The following PAM variants were observed in gnomAD, a reference collection of about 807,000 sequenced individuals.
PAM encodes the protein peptidyl-glycine alpha-amidating monooxygenase.
A neutral mutation model predicts 122.1 loss-of-function variants in PAM; 72 were observed. The ratio of observed to expected loss-of-function variants is 0.59; its 90% CI spans 0.49 to 0.72. The LOEUF (loss-of-function observed/expected upper bound fraction) is 0.72. Among genes scored for constraint, PAM ranks in the 30% least tolerant of loss-of-function variants. The pLI is 0.00. For missense variants in PAM, 1,106 were observed against 1,183.7 expected, an observed-to-expected ratio of 0.93 and a Z score of 0.96; for synonymous variants, 389 against 404.4, an observed-to-expected ratio of 0.96 and a Z score of 0.46.
At chr5:103,014,527 C>A (rs564983312) in intron 21 of PAM, among the ~76,000 whole-genome samples, 10 of 152,198 alleles carry the variant, frequency 6.6e-5, no homozygotes, top group Non-Finnish European at 1.2e-4. Context: ...ATTATTATCA[C>A]AAAGATTAAT....
At chr5:103,026,017 TAACA>T (rs1466970943) in intron 24 of PAM, among the ~76,000 whole-genome samples, 2 of 152,182 alleles carry the variant, frequency 1.3e-5, no homozygotes, top group Non-Finnish European at 2.9e-5. Flanking sequence ...ATTAATTCTA[TAACA>T]AACCATTTGA....
At chr5:102,881,891 A>C (rs1254532820) in intron 3 of PAM, among the ~76,000 whole-genome samples, 1 of 144,316 alleles carries the variant, frequency 6.9e-6, no homozygotes, top group Non-Finnish European at 1.5e-5. Context: ...ATGCCTTTGC[A>C]TCCTCATAGC....
intron 7 of PAM, among the ~76,000 whole-genome samples, chr5:102,927,563 A>C (rs966910339): frequency 6.6e-6 from 1 of 152,084 alleles, no homozygotes; most frequent in African/African-American, 2.4e-5. Context: ...GTAGATGTCC[A>C]TCTCTGCCTA....
At chr5:102,812,185 C>T (rs1484254575) in intron 1 of PAM, among the ~76,000 whole-genome samples, 1 of 152,160 alleles carries the variant, frequency 6.6e-6, no homozygotes, top group African/African-American at 2.4e-5. Context: ...ATGCCCTATA[C>T]AGTTTCCTAG....
At chr5:102,853,583 C>T (rs1781852575) in intron 1 of PAM, among the ~76,000 whole-genome samples, 1 of 152,228 alleles carries the variant, frequency 6.6e-6, no homozygotes, top group African/African-American at 2.4e-5. Flanking sequence ...CTCTCTGGTG[C>T]TTTACTCTTT....
chr5:102,817,837 T>C (rs1295485882), intron 1 of PAM, among the ~76,000 whole-genome samples: 1 of 151,990 alleles, frequency 6.6e-6, no homozygotes, highest in Non-Finnish European at 1.5e-5. Context: ...CTGGTCCCTG[T>C]CTACCTTTTG....
chr5:102,799,919 C>T (rs1307507018), intron 1 of PAM, among the ~76,000 whole-genome samples: 1 of 152,196 alleles, frequency 6.6e-6, no homozygotes, highest in Non-Finnish European at 1.5e-5. Flanking sequence ...GATTGGTTAT[C>T]CACAACAATG....
At chr5:102,775,383 G>A (rs1756882726) in intron 1 of PAM, among the ~76,000 whole-genome samples, 1 of 151,634 alleles carries the variant, frequency 6.6e-6, no homozygotes, top group Non-Finnish European at 1.5e-5. Flanking sequence ...AGGACGTGCA[G>A]GTTTGTTACA....
intron 3 of PAM, among the ~76,000 whole-genome samples, chr5:102,891,633 T>C (rs1400040522): frequency 6.6e-6 from 1 of 151,880 alleles, no homozygotes; most frequent in African/African-American, 2.4e-5. Flanking sequence ...TTTCTTCATA[T>C]TAACTTAGAA....
intron 7 of PAM, among the ~76,000 whole-genome samples, chr5:102,940,141 C>CACAT (rs1416228739): frequency 6.6e-6 from 1 of 150,924 alleles, no homozygotes; most frequent in Non-Finnish European, 1.5e-5. Context: ...CACACACACA[C>CACAT]ACACACACAT....
At chr5:102,883,800 G>C (rs1337925367) in intron 3 of PAM, among the ~76,000 whole-genome samples, 1 of 151,798 alleles carries the variant, frequency 6.6e-6, no homozygotes, top group East Asian at 1.9e-4. Flanking sequence ...CAGTTCTCAA[G>C]GGTAATGTGT....
At chr5:102,798,332 A>G (rs1763879302) in intron 1 of PAM, among the ~76,000 whole-genome samples, 1 of 152,220 alleles carries the variant, frequency 6.6e-6, no homozygotes, top group Non-Finnish European at 1.5e-5. Flanking sequence ...CTATATGATG[A>G]GGGAGGAATA....
intron 1 of PAM, among the ~76,000 whole-genome samples, chr5:102,828,837 T>C (rs1774467079): frequency 6.6e-6 from 1 of 151,940 alleles, no homozygotes; most frequent in Non-Finnish European, 1.5e-5. Context: ...TCCAAAGTAG[T>C]AGAATACAGC....
chr5:102,824,837 T>C (rs1773108386), intron 1 of PAM, among the ~76,000 whole-genome samples: 1 of 152,216 alleles, frequency 6.6e-6, no homozygotes, highest in Non-Finnish European at 1.5e-5. Context: ...GGACTCACTC[T>C]AAATAAAATT....
At position 102,893,077 on chromosome 5, in the gene PAM, G is replaced by T. The variant is rs138937201; in HGVS notation, c.211-8279G>T. On this transcript the variant is annotated intron_variant, in intron 3 of 25. Transcript: ENST00000438793. Reference sequence around the variant, plus strand: ...GGTATCTCACTTTCTTCTGGTTCAAGACAGTCACCTCAACTTTTTAGTAAG... The same window carrying T: ...GGTATCTCACTTTCTTCTGGTTCAATACAGTCACCTCAACTTTTTAGTAAG... 2.8e-3 allele frequency among the ~76,000 whole-genome samples: 418 copies of T among 151,874 alleles called. 1 individual carries two copies. Among genetic ancestry groups the T allele is most frequent in the Non-Finnish European group, 5.1e-3 (348 of 67,842 alleles).
chr5:102,797,320 T>G (rs543609403), intron 1 of PAM, among the ~76,000 whole-genome samples: 10 of 152,186 alleles, frequency 6.6e-5, no homozygotes, highest in Non-Finnish European at 1.3e-4. Flanking sequence ...CTCTAAATCA[T>G]AAGATCATTA....
intron 16 of PAM, among the ~76,000 whole-genome samples, chr5:103,001,649 A>T (rs76413996): frequency 0.021 from 3,229 of 152,218 alleles, 101 homozygotes; most frequent in African/African-American, 0.073. Flanking sequence ...AAAAGACTGT[A>T]ACAGTCAAGT....
At chr5:102,876,376 A>G (rs1789219566) in intron 3 of PAM, among the ~76,000 whole-genome samples, 1 of 152,198 alleles carries the variant, frequency 6.6e-6, no homozygotes, top group African/African-American at 2.4e-5. Flanking sequence ...CAAAGATTCT[A>G]TTAAAACAGA....
At chr5:102,927,990 A>G (rs1459240167) in intron 7 of PAM, among the ~76,000 whole-genome samples, 1 of 152,216 alleles carries the variant, frequency 6.6e-6, no homozygotes, top group Non-Finnish European at 1.5e-5. Flanking sequence ...ACAAAGACAG[A>G]GATTATCTGC....
Sources: gnomAD v4.1 joint callset for allele counts (sites outside exome capture counted in the v4.1 genomes callset) on GRCh38, gnomAD v4.1.1 for gene constraint, MANE v1.5 for transcripts, NCBI Gene and HGNC (gene_info 2026-07-23, HGNC 2026-07-21) for gene names.